MTUS2: variants seen among roughly 807,000 people sequenced by gnomAD.
MTUS2 encodes the protein microtubule-associated tumor suppressor candidate 2.
MTUS2 carries 40 observed loss-of-function variants against 114.1 expected under a neutral mutation model. The ratio of observed to expected loss-of-function variants is 0.35; its 90% CI spans 0.27 to 0.46. The LOEUF (loss-of-function observed/expected upper bound fraction) is 0.46, where lower values mean the gene tolerates loss of function less well. Among genes scored for constraint, MTUS2 ranks in the 20% least tolerant of loss-of-function variants. The pLI is 1.00. For missense variants in MTUS2, 1,679 were observed against 1,705.4 expected (o/e 0.98, Z 0.27); for synonymous variants, 688 against 672.0 (o/e 1.02, Z -0.37).
intron 2 of MTUS2, among the ~76,000 whole-genome samples, chr13:28,927,868 C>T (rs999961571): frequency 2.0e-4 from 30 of 152,142 alleles, no homozygotes; most frequent in African/African-American, 6.0e-4. Flanking sequence ...GGAAAATATA[C>T]TACAAAGCTA....
intron 4 of MTUS2, among the ~76,000 whole-genome samples, chr13:29,077,002 G>T (rs1397808392): frequency 6.6e-6 from 1 of 152,170 alleles, no homozygotes; most frequent in Non-Finnish European, 1.5e-5. Context: ...TCATTGTAAT[G>T]AATAGATGGT....
intron 2 of MTUS2, among the ~76,000 whole-genome samples, chr13:28,992,547 G>A (rs969357139): frequency 3.9e-5 from 6 of 152,060 alleles, no homozygotes; most frequent in African/African-American, 1.4e-4. Flanking sequence ...TCCCACACTT[G>A]CATACTTCCA....
At chr13:29,321,791 T>G (rs1249339257) in intron 6 of MTUS2, among the ~76,000 whole-genome samples, 1 of 152,242 alleles carries the variant, frequency 6.6e-6, no homozygotes, top group Non-Finnish European at 1.5e-5. Context: ...GTAACCATTA[T>G]TAAAAGTTTG....
chr13:29,203,645 T>A (rs1895057307), intron 5 of MTUS2, among the ~76,000 whole-genome samples: 2 of 150,242 alleles, frequency 1.3e-5, no homozygotes, highest in South Asian at 4.2e-4. Context: ...TCCAGGGCCC[T>A]GGTGGCATAG....
chr13:29,213,305 G>A (rs1895531962), intron 5 of MTUS2, among the ~76,000 whole-genome samples: 2 of 152,220 alleles, frequency 1.3e-5, no homozygotes, highest in African/African-American at 4.8e-5. Flanking sequence ...TTTAAAAACA[G>A]TGTCTACTCT....
In MTUS2 at chr13:29,317,419, G is replaced by T. The variant is rs111461248; in HGVS notation, c.2807-7194G>T. 9.7e-3 allele frequency among the ~76,000 whole-genome samples: 1,204 copies of T among 123,596 alleles called. 82 individuals carry two copies. Among genetic ancestry groups the T allele is most frequent in the African/African-American group, 0.036 (1,154 of 32,338 alleles). The allele number at this position is 123,596 out of a possible 152,430, so 81.1% of individuals were successfully genotyped here. On this transcript the variant is annotated intron_variant, in intron 6 of 15. Coordinates refer to ENST00000612955, the MANE Select transcript of MTUS2 (RefSeq NM_001033602.4). ...CTCTCCTGAGTTCGCTTGTGCGCGC[G>T]CTCTCTCTCTCTCTTTTTTTTTTTT... is the stretch of plus-strand genomic sequence containing the variant.
chr13:29,449,888 G>C (rs1054109602), intron 9 of MTUS2, among the ~76,000 whole-genome samples: 1 of 152,210 alleles, frequency 6.6e-6, no homozygotes, highest in African/African-American at 2.4e-5. Flanking sequence ...AACAATGGTA[G>C]CTTAAGGCAG....
At chr13:29,271,932 T>G (rs1897895604) in intron 5 of MTUS2, among the ~76,000 whole-genome samples, 1 of 152,208 alleles carries the variant, frequency 6.6e-6, no homozygotes, top group Non-Finnish European at 1.5e-5. Flanking sequence ...AAGCCATCTT[T>G]TAAAACTTTC....
intron 5 of MTUS2, among the ~76,000 whole-genome samples, chr13:29,110,696 T>A (rs551965628): frequency 2.3e-4 from 35 of 152,298 alleles, no homozygotes; most frequent in Admixed American, 2.2e-3. Context: ...TTTTTGAGCA[T>A]TGCCTTTAAG....
At chr13:28,937,280 T>C (rs1881953355) in intron 2 of MTUS2, among the ~76,000 whole-genome samples, 1 of 152,126 alleles carries the variant, frequency 6.6e-6, no homozygotes, top group Non-Finnish European at 1.5e-5. Context: ...CAGCACTCTG[T>C]AAGATGGACC....
At chr13:29,408,857 C>T (rs576193924) in intron 8 of MTUS2, among the ~76,000 whole-genome samples, 1 of 152,238 alleles carries the variant, frequency 6.6e-6, no homozygotes, top group Non-Finnish European at 1.5e-5. Context: ...AATTCCAATC[C>T]AACACCACAG....
intron 5 of MTUS2, among the ~76,000 whole-genome samples, chr13:29,188,435 T>G (rs1566055526): frequency 6.6e-6 from 1 of 152,218 alleles, no homozygotes; most frequent in Non-Finnish European, 1.5e-5. Flanking sequence ...GTTTATTTCT[T>G]ACATAGCTGA....
chr13:29,463,660 C>T (rs1450401714), intron 9 of MTUS2, among the ~76,000 whole-genome samples: 1 of 152,132 alleles, frequency 6.6e-6, no homozygotes, highest in Non-Finnish European at 1.5e-5. Flanking sequence ...TGAGCCCACA[C>T]TGTTGACCAC....
chr13:29,024,621 A>G lies in MTUS2; in HGVS notation c.-78A>G. 6.5e-7 allele frequency: 1 copy of G among 1,528,996 alleles called. No individual in the cohort carries two copies. The highest frequency in any genetic ancestry group is 8.8e-7 in the Non-Finnish European group (1 of 1,130,764). 94.7% of individuals were successfully genotyped at this position (1,528,996 alleles called of 1,614,324 possible). ...ACAAGCAGCTTGAGAATTTCCTCTT[A>G]ATCTGATTGCAGCTTGAAGGCAGCC... On this transcript the variant is annotated 5_prime_UTR_variant, in exon 3 of 16. Coordinates refer to ENST00000612955, the MANE Select transcript of MTUS2 (RefSeq NM_001033602.4).
At chr13:29,139,040 T>C (rs1410680335) in intron 5 of MTUS2, among the ~76,000 whole-genome samples, 1 of 142,102 alleles carries the variant, frequency 7.0e-6, no homozygotes, top group African/African-American at 2.6e-5. Flanking sequence ...TCCTCCTGTC[T>C]TTTTTTTTTT....
chr13:29,301,764 G>T (rs1177942826), intron 6 of MTUS2, among the ~76,000 whole-genome samples: 2 of 152,196 alleles, frequency 1.3e-5, no homozygotes, highest in African/African-American at 4.8e-5. Context: ...AGTCTGTTCA[G>T]GCTGCTTTAA....
At chr13:28,914,305 CATTAGTTTTG>C (rs1566219722) in intron 2 of MTUS2, among the ~76,000 whole-genome samples, 3 of 152,072 alleles carry the variant, frequency 2.0e-5, no homozygotes, top group Admixed American at 6.6e-5. Context: ...TGTTTGTTCT[CATTAGTTTTG>C]AAGAACTTCT....
intron 5 of MTUS2, among the ~76,000 whole-genome samples, chr13:29,238,303 A>G (rs1896611470): frequency 6.6e-6 from 1 of 152,230 alleles, no homozygotes; most frequent in Non-Finnish European, 1.5e-5. Context: ...GGATAGATGT[A>G]TAATATGAAA....
chr13:29,189,062 G>A (rs1894340139), intron 5 of MTUS2, among the ~76,000 whole-genome samples: 1 of 152,218 alleles, frequency 6.6e-6, no homozygotes, highest in Admixed American at 6.5e-5. Flanking sequence ...TGACCCTGGG[G>A]AAGCTCCTCT....
Sources: allele counts gnomAD v4.1 joint callset (sites outside exome capture counted in the v4.1 genomes callset), GRCh38; gene constraint gnomAD v4.1.1; transcripts MANE v1.5; gene names NCBI Gene and HGNC (gene_info 2026-07-23, HGNC 2026-07-21).